The following GPM6A variants were observed in gnomAD, a reference collection of about 807,000 sequenced individuals.
GPM6A encodes the protein glycoprotein M6A.
GPM6A carries 7 observed loss-of-function variants against 32.1 expected under a neutral mutation model. That is an observed-to-expected ratio of 0.22 (90% CI 0.12 to 0.41). GPM6A has a LOEUF of 0.41. GPM6A is among the 10% of genes least tolerant of loss of function. GPM6A has a pLI of 1.00. For synonymous variants in GPM6A, 130 were observed against 123.4 expected (o/e 1.05, Z -0.35); for missense variants, 235 against 347.2 (o/e 0.68, Z 2.57).
At chr4:175,946,665 C>T (rs535648470) in intron 1 of GPM6A, among the ~76,000 whole-genome samples, 4 of 152,078 alleles carry the variant, frequency 2.6e-5, no homozygotes, top group African/African-American at 9.6e-5. Flanking sequence ...TGTGGAGTGT[C>T]CGAGGGATAA....
intron 1 of GPM6A, among the ~76,000 whole-genome samples, chr4:175,768,956 G>A (rs1159486505): frequency 2.0e-5 from 3 of 152,004 alleles, no homozygotes; most frequent in African/African-American, 4.8e-5. Flanking sequence ...TTAGCTGGGC[G>A]TGGTGGTGGG....
At chr4:175,814,690 A>G (rs1735045000), upstream of GPM6A, among the ~76,000 whole-genome samples, 1 of 152,228 alleles carries the variant, frequency 6.6e-6, no homozygotes, top group African/African-American at 2.4e-5. Context: ...AAAATATACA[A>G]AAAAGTCCTC....
At chr4:175,799,780 T>C (rs1017890555) in intron 1 of GPM6A, among the ~76,000 whole-genome samples, 4 of 141,678 alleles carry the variant, frequency 2.8e-5, no homozygotes, top group African/African-American at 1.0e-4. Flanking sequence ...GTTCACGCCA[T>C]TCTCCTGCCT....
chr4:175,942,042 T>C (rs1739429499), intron 1 of GPM6A, among the ~76,000 whole-genome samples: 1 of 152,224 alleles, frequency 6.6e-6, no homozygotes. Context: ...CCAGCATCTG[T>C]TGTTTCCTGA....
In GPM6A at chr4:175,673,572, G is replaced by C. The variant is rs1358055007; in HGVS notation, c.387+108C>G. 1.9e-5 allele frequency: 13 copies of C among 681,136 alleles called. 1 individual carries two copies. The Admixed American group carries it at 3.5e-4, about 19-fold the overall frequency. The allele number at this position is 681,136 out of a possible 1,614,324, so 42.2% of individuals were successfully genotyped here. On this transcript the variant is annotated intron_variant, in intron 3 of 6. Coordinates refer to ENST00000393658, the MANE Select transcript of GPM6A (RefSeq NM_201591.3). Reference sequence around the variant, plus strand: ...TTAAGATAGCATCACAGAAGGAAACGTTACTGTGTGAAAAAAAAATACTTT... The same window carrying C: ...TTAAGATAGCATCACAGAAGGAAACCTTACTGTGTGAAAAAAAAATACTTT...
intron 1 of GPM6A, among the ~76,000 whole-genome samples, chr4:175,993,677 C>A (rs1002002179): frequency 1.3e-5 from 2 of 152,086 alleles, no homozygotes; most frequent in African/African-American, 4.8e-5. Context: ...CAGTCATAGG[C>A]AAATAGCTTG....
Position 175,906,270 on chromosome 4 carries a change from A to T in GPM6A, c.-22-94021T>A, listed in dbSNP as rs545636654. On this transcript the variant is annotated intron_variant, in intron 1 of 7. Transcript: ENST00000280187. ...CAGCATCAGATTAGAGGATGACTTG[A>T]TATCTCACAATGATTCATTAAACCT... is the stretch of plus-strand genomic sequence containing the variant. Among the ~76,000 whole-genome samples the T allele has an allele frequency of 4.4e-4, 67 of 152,260 alleles. 1 individual carries two copies. In the South Asian group the frequency reaches 0.014, roughly 32 times the overall value.
chr4:175,820,656 C>G (rs546942052), intron 1 of GPM6A, among the ~76,000 whole-genome samples: 4 of 151,852 alleles, frequency 2.6e-5, no homozygotes, highest in Non-Finnish European at 5.9e-5. Flanking sequence ...TGCGCCACCA[C>G]GCCCAGCTAA....
intron 1 of GPM6A, among the ~76,000 whole-genome samples, chr4:175,918,024 TA>T (rs1405398492): frequency 6.6e-6 from 1 of 152,042 alleles, no homozygotes; most frequent in Non-Finnish European, 1.5e-5. Flanking sequence ...CCCATCAAGA[TA>T]AAAGAGTAAA....
At chr4:175,699,176 T>C (rs1452173559) in intron 2 of GPM6A, among the ~76,000 whole-genome samples, 1 of 152,112 alleles carries the variant, frequency 6.6e-6, no homozygotes. Context: ...ATCTAGAAAA[T>C]GTCAGTTTTA....
chr4:175,835,110 A>G lies in GPM6A; in HGVS notation c.-22-22861T>C, dbSNP rs926565146. Among the ~76,000 whole-genome samples the G allele has an allele frequency of 2.6e-5, 4 of 152,168 alleles. No homozygotes were observed. In the South Asian group the frequency reaches 6.2e-4, roughly 24 times the overall value. On this transcript the variant is annotated intron_variant, in intron 1 of 7. Coordinates refer to the GPM6A transcript ENST00000280187. ...TCTTGGGCGCTTGTTAAAAATTGCC[A>G]ATTATTGGGAGTTCAGAAATCCCCA...
chr4:175,672,319 T>C (rs1743127209), intron 3 of GPM6A, among the ~76,000 whole-genome samples: 1 of 152,196 alleles, frequency 6.6e-6, no homozygotes, highest in Non-Finnish European at 1.5e-5. Context: ...GAAATGATCC[T>C]CATTTTGTAA....
chr4:175,899,636 A>C (rs1737890661), intron 1 of GPM6A, among the ~76,000 whole-genome samples: 1 of 152,168 alleles, frequency 6.6e-6, no homozygotes, highest in African/African-American at 2.4e-5. Flanking sequence ...GAGTCTCTTT[A>C]ATAAATGAAG....
chr4:175,738,679 ATC>A (rs1332008136), intron 1 of GPM6A, among the ~76,000 whole-genome samples: 1 of 152,152 alleles, frequency 6.6e-6, no homozygotes, highest in Non-Finnish European at 1.5e-5. Context: ...AATTTGAAAA[ATC>A]TCTAAGCTTT....
At chr4:176,000,008 T>C (rs972125619) in intron 1 of GPM6A, among the ~76,000 whole-genome samples, 1 of 152,150 alleles carries the variant, frequency 6.6e-6, no homozygotes, top group Non-Finnish European at 1.5e-5. Context: ...TTTCCCCACT[T>C]TGCCCCTCTT....
In GPM6A at chr4:175,875,854, G is replaced by T. The variant is rs73871242; in HGVS notation, c.-22-63605C>A. ...TTACTTTTGTTATTAAGTGCAAACG[G>T]TATGGTGGATCACCTATCTTTGAGA... On this transcript the variant is annotated intron_variant, in intron 1 of 7. Coordinates refer to the GPM6A transcript ENST00000280187. Among the ~76,000 whole-genome samples the T allele has an allele frequency of 3.5e-3, 537 of 152,258 alleles. 4 individuals are homozygous for T. The highest frequency in any genetic ancestry group is 8.7e-3 in the African/African-American group (361 of 41,552).
chr4:175,911,345 T>C (rs1252980687), intron 1 of GPM6A, among the ~76,000 whole-genome samples: 2 of 152,102 alleles, frequency 1.3e-5, no homozygotes, highest in African/African-American at 4.8e-5. Flanking sequence ...ATATAATACG[T>C]TTCATGTCCT....
At position 175,885,850 on chromosome 4, in the gene GPM6A, A is replaced by G. The variant is rs535570688; in HGVS notation, c.-22-73601T>C. On this transcript the variant is annotated intron_variant, in intron 1 of 7. Transcript: ENST00000280187. ...TACACTTAGGATTTGCACATTTTAG[A>G]TATGTATGTTTTGAGTTTTACTGTT... Among the ~76,000 whole-genome samples the G allele has an allele frequency of 3.9e-5, 6 of 152,330 alleles. No homozygotes were observed. The South Asian group carries it at 1.2e-3, about 32-fold the overall frequency.
chr4:175,870,955 T>C (rs1352284164), intron 1 of GPM6A, among the ~76,000 whole-genome samples: 1 of 152,100 alleles, frequency 6.6e-6, no homozygotes, highest in East Asian at 1.9e-4. Flanking sequence ...AAAGATTCAA[T>C]AAATGTGAGT....
Sources: gnomAD v4.1 joint callset for allele counts (sites outside exome capture counted in the v4.1 genomes callset) on GRCh38, gnomAD v4.1.1 for gene constraint, MANE v1.5 for transcripts, NCBI Gene and HGNC (gene_info 2026-07-23, HGNC 2026-07-21) for gene names.